The following GSTM4 variants were observed in gnomAD, a reference collection of about 807,000 sequenced individuals.
GSTM4 encodes the protein glutathione S-transferase mu 4, also known as GST class-mu 4.
GSTM4 carries 27 observed loss-of-function variants against 30.1 expected under a neutral mutation model. The ratio of observed to expected loss-of-function variants is 0.90; its 90% CI spans 0.66 to 1.24. The LOEUF (loss-of-function observed/expected upper bound fraction) is 1.24, where lower values mean the gene tolerates loss of function less well. GSTM4 is among the 50% of genes most tolerant of loss of function. The pLI is 0.00. For synonymous variants in GSTM4, 94 were observed against 96.2 expected (o/e 0.98, Z 0.13); for missense variants, 238 against 272.1 (o/e 0.87, Z 0.88).
downstream of GSTM4, among the ~76,000 whole-genome samples, chr1:109,664,572 C>G (rs1322641727): frequency 4.6e-5 from 7 of 151,544 alleles, no homozygotes; most frequent in African/African-American, 1.7e-4. Flanking sequence ...ATTGGCCAGG[C>G]TGGTCTCGAA....
downstream of GSTM4, among the ~76,000 whole-genome samples, chr1:109,662,724 T>C (rs1652359288): frequency 6.6e-6 from 1 of 152,204 alleles, no homozygotes; most frequent in Non-Finnish European, 1.5e-5. Flanking sequence ...CTAGAATGGC[T>C]GACATTGAAA....
intron 3 of GSTM4, 104 bp from the exon 4 acceptor site, chr1:109,657,486 G>A (rs776926019): frequency 9.2e-6 from 14 of 1,526,640 alleles, no homozygotes; most frequent in Admixed American, 6.7e-5. Context: ...TGCCATGAGC[G>A]GGCACAGTGA....
intron 2 of GSTM4, 151 bp downstream of exon 2, chr1:109,656,938 C>A: frequency 1.1e-6 from 1 of 887,036 alleles, no homozygotes; most frequent in Non-Finnish European, 1.9e-6. Context: ...AGTCCTGTGG[C>A]CTTGCAAGGC....
Position 109,656,264 on chromosome 1 carries a change from C to G in GSTM4, c.-126C>G, listed in dbSNP as rs1651972121. The stretch of plus-strand genomic sequence containing the variant: ...TGGAAGTGACGACCTTGAAGATCGG[C>G]GGGCGCAGCGGGGCCGAGGGGGCGG... On this transcript the variant is annotated 5_prime_UTR_variant, in exon 1 of 8. Coordinates refer to ENST00000369836, the MANE Select transcript of GSTM4 (RefSeq NM_000850.5). 1 of 889,034 alleles carries G rather than the reference C, an allele frequency of 1.1e-6. No individual in the cohort carries two copies. The highest frequency in any genetic ancestry group is 1.9e-6 in the Non-Finnish European group (1 of 540,334). 55.1% of individuals were successfully genotyped at this position (889,034 alleles called of 1,614,324 possible).
At chr1:109,664,183 A>ATTTATT (rs1459742739), downstream of GSTM4, among the ~76,000 whole-genome samples, 2 of 151,860 alleles carry the variant, frequency 1.3e-5, no homozygotes, top group Admixed American at 1.3e-4. Context: ...TTTCTCATTT[A>ATTTATT]TTTATTTTTA....
downstream of GSTM4, among the ~76,000 whole-genome samples, chr1:109,666,833 C>A (rs930144862): frequency 7.9e-5 from 12 of 152,222 alleles, no homozygotes; most frequent in South Asian, 1.0e-3. Flanking sequence ...TCAAGCGATT[C>A]TCCTGCCTCA....
At chr1:109,657,559 A>C in intron 3 of GSTM4, 31 bp from the exon 4 acceptor site, 2 of 1,614,220 alleles carry the variant, frequency 1.2e-6, no homozygotes, top group Non-Finnish European at 1.7e-6. Context: ...TGCTGGCCCA[A>C]CTGAGCTTCC....
downstream of GSTM4, chr1:109,665,007 C>G (rs1266086104): frequency 6.2e-7 from 1 of 1,608,756 alleles, no homozygotes; most frequent in Non-Finnish European, 8.5e-7. Context: ...TGATTCTGTT[C>G]TAGGTTTCCT....
intron 1 of GSTM4, 106 bp from the exon 2 acceptor site, chr1:109,656,606 G>C (rs879184167): frequency 1.3e-6 from 1 of 752,634 alleles, no homozygotes; most frequent in Non-Finnish European, 2.3e-6. Flanking sequence ...GCCGGGGTGG[G>C]GGGGGGGTGC....
At chr1:109,667,678 G>A (rs529693256), downstream of GSTM4, among the ~76,000 whole-genome samples, 6 of 152,298 alleles carry the variant, frequency 3.9e-5, no homozygotes, top group South Asian at 1.2e-3. Context: ...ACATTGAAAA[G>A]TTTTGAAAAC....
At chr1:109,658,666 T>G in intron 5 of GSTM4, 148 bp from the exon 6 acceptor site, 1 of 682,402 alleles carries the variant, frequency 1.5e-6, no homozygotes, top group Non-Finnish European at 2.7e-6. Context: ...GTGTAATAAA[T>G]GCTGGTATGT....
chr1:109,664,721 T>G (rs1647249270), downstream of GSTM4, among the ~76,000 whole-genome samples: 1 of 152,144 alleles, frequency 6.6e-6, no homozygotes, highest in African/African-American at 2.4e-5. Context: ...CTGCACTACC[T>G]TAGGTACTTG....
At chr1:109,656,687 A>G in intron 1 of GSTM4, 25 bp from the exon 2 acceptor site, 1 of 1,611,754 alleles carries the variant, frequency 6.2e-7, no homozygotes, top group Non-Finnish European at 8.5e-7. Flanking sequence ...CATCTCTGAC[A>G]CGACCTGCGG....
chr1:109,664,699 A>C (rs534643188), downstream of GSTM4, among the ~76,000 whole-genome samples: 1 of 152,134 alleles, frequency 6.6e-6, no homozygotes, highest in Non-Finnish European at 1.5e-5. Context: ...CCTGCAAGTC[A>C]CATGGATCTT....
At chr1:109,667,066 C>T (rs1647349566), downstream of GSTM4, among the ~76,000 whole-genome samples, 2 of 152,064 alleles carry the variant, frequency 1.3e-5, no homozygotes. Flanking sequence ...CCACTAGATG[C>T]CATGGGCGCT....
Position 109,656,415 on chromosome 1 carries a change from A to G in GSTM4, c.26A>G (p.Asp9Gly), listed in dbSNP as rs1557950171. The G allele has an allele frequency of 1.2e-6, 2 of 1,613,520 alleles. No individual in the cohort carries two copies. The highest frequency in any genetic ancestry group is 1.7e-6 in the Non-Finnish European group (2 of 1,179,582). ...ATGTCCATGACACTGGGGTACTGGG[A>G]CATCCGCGGGGTGAGTGAGGGTCCG... is the stretch of plus-strand genomic sequence containing the variant. MSMTLGYW[D>G]IRGLAHAIRL... Residue 9 changes from aspartate to glycine, a missense_variant, in exon 1 of 8, where the codon GAC becomes GGC. Asp to Gly is a moderately conservative substitution (Grantham distance 94). Coordinates refer to ENST00000369836, the MANE Select transcript of GSTM4 (RefSeq NM_000850.5).
chr1:109,659,983 A>G (rs905627142), intron 7 of GSTM4: 4 of 245,402 alleles, frequency 1.6e-5, no homozygotes, highest in South Asian at 1.3e-4. Context: ...CCTGGGTACC[A>G]GGCCTGGGGC....
Position 109,661,547 on chromosome 1 carries a change from T to C in GSTM4, c.*293T>C. 1 of 1,308,588 alleles carries C rather than the reference T, an allele frequency of 7.6e-7. No individual in the cohort carries two copies. The highest frequency in any genetic ancestry group is 1.6e-5 in the South Asian group (1 of 64,162). The allele number at this position is 1,308,588 out of a possible 1,614,324, so 81.1% of individuals were successfully genotyped here. On this transcript the variant is annotated 3_prime_UTR_variant, in exon 8 of 8. Transcript: ENST00000369836. The stretch of plus-strand genomic sequence containing the variant: ...ACCTTCCTTCCTGTTAGTGGTTGTA[T>C]CTGCTTTGAAGGGCCTACCTGGCCC...
At position 109,657,791 on chromosome 1, in the gene GSTM4, G is replaced by A. The variant is rs762226856; in HGVS notation, c.279G>A (p.Glu93=). ...TGGCAGGTGGGGAGACAGAAGAGGAGAAGATTCGTGTGGACATTTTGGAGA... is the reference window on the plus strand; with the variant it reads ...TGGCAGGTGGGGAGACAGAAGAGGAAAAGATTCGTGTGGACATTTTGGAGA... ...KHNLCGETEE[E]KIRVDILENQ... is the part of the protein sequence containing the mutation. Residue 93 remains glutamate (E), a synonymous_variant, in exon 5 of 8, where the codon GAG becomes GAA. Coordinates refer to ENST00000369836, the MANE Select transcript of GSTM4 (RefSeq NM_000850.5). 5 of 1,614,092 alleles carry A rather than the reference G, an allele frequency of 3.1e-6. No individual in the cohort carries two copies. In the African/African-American group the frequency reaches 4.0e-5, roughly 13 times the overall value.
Sources: gnomAD v4.1 joint callset for allele counts (sites outside exome capture counted in the v4.1 genomes callset) on GRCh38, gnomAD v4.1.1 for gene constraint, MANE v1.5 for transcripts, NCBI Gene and HGNC (gene_info 2026-07-23, HGNC 2026-07-21) for gene names.